Variants in TENM2 observed in about 807,000 individuals in gnomAD.
TENM2 encodes teneurin-2.
A neutral mutation model predicts 245.2 loss-of-function variants in TENM2; 52 were observed. The ratio of observed to expected loss-of-function variants is 0.21; its 90% CI spans 0.17 to 0.27. The LOEUF is 0.27. Ranked by LOEUF, TENM2 falls within the 10% of genes least tolerant of loss-of-function variation. The pLI is 1.00. For synonymous variants in TENM2, 1,363 were observed against 1,438.9 expected (o/e 0.95, Z 1.19); for missense variants, 3,046 against 3,666.8 (o/e 0.83, Z 4.37).
intron 2 of TENM2, among the ~76,000 whole-genome samples, chr5:167,661,726 G>T (rs560201102): frequency 1.3e-5 from 2 of 151,700 alleles, no homozygotes; most frequent in South Asian, 2.1e-4. Flanking sequence ...GAGCGCAGGG[G>T]TATAATTAGC....
intron 2 of TENM2, among the ~76,000 whole-genome samples, chr5:167,524,561 C>T (rs1029889218): frequency 1.3e-5 from 2 of 152,034 alleles, no homozygotes; most frequent in African/African-American, 4.8e-5. Flanking sequence ...AATGCAGATT[C>T]TGATTCCTTA....
chr5:167,726,879 G>A (rs185133207), intron 2 of TENM2, among the ~76,000 whole-genome samples: 41 of 152,130 alleles, frequency 2.7e-4, no homozygotes, highest in Middle Eastern at 6.8e-3. Context: ...AACTCCCCTA[G>A]CTTTCAGTTT....
intron 2 of TENM2, among the ~76,000 whole-genome samples, chr5:167,376,772 T>G (rs1057265612): frequency 6.6e-6 from 1 of 152,182 alleles, no homozygotes; most frequent in Non-Finnish European, 1.5e-5. Context: ...TTTGACACTC[T>G]GAGGTGCTTA....
intron 2 of TENM2, among the ~76,000 whole-genome samples, chr5:167,739,858 GA>G (rs894310663): frequency 6.6e-6 from 1 of 152,140 alleles, no homozygotes; most frequent in Non-Finnish European, 1.5e-5. Context: ...TATACACATG[GA>G]ATTTCCTCCC....
chr5:167,390,569 A>G (rs1309216789), intron 2 of TENM2, among the ~76,000 whole-genome samples: 2 of 152,314 alleles, frequency 1.3e-5, no homozygotes, highest in South Asian at 2.1e-4. Flanking sequence ...TGCAGGCAAG[A>G]TAAATATCTC....
chr5:167,222,158 C>T, the TENM2 span, among the ~76,000 whole-genome samples: 1 of 152,248 alleles, frequency 6.6e-6, no homozygotes, highest in Admixed American at 6.5e-5. Flanking sequence ...TCTCAAAGCA[C>T]GTGCCTTAAT....
At chr5:167,057,672 G>T in the TENM2 span, among the ~76,000 whole-genome samples, 699 of 152,284 alleles carry the variant, frequency 4.6e-3, 6 homozygotes, top group African/African-American at 0.016. Context: ...CTTAGCACAG[G>T]TAGGTTAGGT....
intron 25 of TENM2, among the ~76,000 whole-genome samples, chr5:168,233,698 C>T (rs569896988): frequency 6.6e-5 from 10 of 152,248 alleles, no homozygotes; most frequent in Admixed American, 2.0e-4. Context: ...TCTGTTTTCA[C>T]GCTGCTGATA....
upstream of TENM2, among the ~76,000 whole-genome samples, chr5:167,280,043 C>G (rs984840452): frequency 6.6e-6 from 1 of 152,164 alleles, no homozygotes; most frequent in African/African-American, 2.4e-5. Context: ...CTGATTTTCT[C>G]TGACATTGCT....
At chr5:167,055,554 CCATT>C in the TENM2 span, among the ~76,000 whole-genome samples, 3 of 152,058 alleles carry the variant, frequency 2.0e-5, no homozygotes, top group Non-Finnish European at 4.4e-5. Flanking sequence ...GAATATCTCT[CCATT>C]CATTCAGTTC....
At chr5:167,607,786 C>T (rs1777162346) in intron 2 of TENM2, among the ~76,000 whole-genome samples, 1 of 152,104 alleles carries the variant, frequency 6.6e-6, no homozygotes, top group Non-Finnish European at 1.5e-5. Flanking sequence ...GAGTCCCTGC[C>T]CTGTGTTGCT....
At chr5:168,259,791 G>A (rs1418121798) in intron 27 of TENM2, among the ~76,000 whole-genome samples, 2 of 152,202 alleles carry the variant, frequency 1.3e-5, no homozygotes, top group African/African-American at 4.8e-5. Flanking sequence ...TAAACACACT[G>A]CGTGGCCTGT....
At chr5:167,975,154 T>C (rs1782341778) in intron 4 of TENM2, among the ~76,000 whole-genome samples, 1 of 152,230 alleles carries the variant, frequency 6.6e-6, no homozygotes, top group Non-Finnish European at 1.5e-5. Flanking sequence ...CCTCGGCTTG[T>C]CCAACTGTAT....
the TENM2 span, among the ~76,000 whole-genome samples, chr5:167,015,609 AT>A: frequency 6.6e-6 from 1 of 152,176 alleles, no homozygotes; most frequent in Admixed American, 6.5e-5. Context: ...AAATTATCAT[AT>A]GTGATTTCTG....
intron 1 of TENM2, among the ~76,000 whole-genome samples, chr5:167,348,429 G>A (rs1006079255): frequency 2.0e-5 from 3 of 152,150 alleles, no homozygotes; most frequent in Admixed American, 2.0e-4. Flanking sequence ...TGACGAGCCG[G>A]CAATTCTCCA....
At chr5:168,097,909 A>G (rs958119339) in intron 8 of TENM2, 117 bp from the exon 11 acceptor site, 4 of 703,204 alleles carry the variant, frequency 5.7e-6, no homozygotes, top group East Asian at 2.7e-5. Context: ...CCGATCCCCT[A>G]TGACAGGCAT....
At chr5:167,399,276 C>A (rs1192352071) in intron 2 of TENM2, among the ~76,000 whole-genome samples, 1 of 152,126 alleles carries the variant, frequency 6.6e-6, no homozygotes, top group Non-Finnish European at 1.5e-5. Context: ...ATAAAAGGAG[C>A]TGTGAAAGGG....
chr5:167,093,215 T>C, the TENM2 span, among the ~76,000 whole-genome samples: 7 of 152,166 alleles, frequency 4.6e-5, no homozygotes, highest in East Asian at 1.9e-4. Flanking sequence ...TTCTGCAGTG[T>C]TGGGAAATAT....
In TENM2 at chr5:168,161,922, T is replaced by G. The variant is rs1757782518; in HGVS notation, c.2423-689T>G. 2.6e-5 allele frequency among the ~76,000 whole-genome samples: 4 copies of G among 152,060 alleles called. 1 individual carries two copies. The South Asian group carries it at 8.3e-4, about 32-fold the overall frequency. ...CTTCCCCGAGCACATATATTTTTTC[T>G]TCTATCTTTCCCCAATTCGTGGCAC... On this transcript the variant is annotated intron_variant, in intron 12 of 28. Transcript: ENST00000518659.
Sources: gnomAD v4.1 joint callset for allele counts (sites outside exome capture counted in the v4.1 genomes callset) on GRCh38, gnomAD v4.1.1 for gene constraint, MANE v1.5 for transcripts, NCBI Gene and HGNC (gene_info 2026-07-23, HGNC 2026-07-21) for gene names.